USP3: variants seen among roughly 807,000 people sequenced by gnomAD.
USP3 encodes ubiquitin specific peptidase 3.
In USP3, 20 loss-of-function variants were observed where a neutral mutation model predicts 72.3. The observed-to-expected ratio is 0.28, with a 90% CI of 0.19 to 0.40. USP3 has a LOEUF of 0.40. Ranked by LOEUF, USP3 falls within the 10% of genes least tolerant of loss-of-function variation. USP3 has a pLI of 1.00. For synonymous variants in USP3, 222 were observed against 225.3 expected, an observed-to-expected ratio of 0.99 and a Z score of 0.13; for missense variants, 479 against 633.9, an observed-to-expected ratio of 0.76 and a Z score of 2.62.
At chr15:63,514,363 A>G (rs1033571512) in intron 1 of USP3, among the ~76,000 whole-genome samples, 1 of 152,206 alleles carries the variant, frequency 6.6e-6, no homozygotes, top group African/African-American at 2.4e-5. Flanking sequence ...TAGAACAGCT[A>G]TTTAGAAAAA....
At position 63,509,218 on chromosome 15, in the gene USP3, G is replaced by C. The variant is rs550102481; in HGVS notation, c.91+4388G>C. On this transcript the variant is annotated intron_variant, in intron 1 of 14. Coordinates refer to ENST00000380324, the MANE Select transcript of USP3 (RefSeq NM_006537.4). ...CAATCAGTCATTTCCTTGTCATTAG[G>C]TCAAATGCTTTTACTGCTTTTTAGT... Among the ~76,000 whole-genome samples, 83 of 152,250 alleles carry C rather than the reference G, an allele frequency of 5.5e-4. 1 individual carries two copies. The South Asian group carries it at 0.017, about 30-fold the overall frequency.
intron 2 of USP3, among the ~76,000 whole-genome samples, chr15:63,536,444 T>C (rs973664723): frequency 4.8e-5 from 6 of 124,288 alleles, no homozygotes; most frequent in African/African-American, 1.7e-4. Flanking sequence ...TGGGGGTTAG[T>C]GGTCTGAGAG....
At position 63,536,948 on chromosome 15, in the gene USP3, T is replaced by C. The variant is rs908488537; in HGVS notation, c.153-77T>C. The C allele has an allele frequency of 6.1e-5, 86 of 1,413,650 alleles. No homozygotes were observed. The African/African-American group carries it at 1.2e-3, about 19-fold the overall frequency. 87.6% of individuals were successfully genotyped at this position (1,413,650 alleles called of 1,614,324 possible). ...GATTTCTTTATTTTGATTTGATTAA[T>C]ATTTAATTTCATCATTTCCTACTCC... On this transcript the variant is annotated intron_variant, in intron 2 of 14. Coordinates refer to ENST00000380324, the MANE Select transcript of USP3 (RefSeq NM_006537.4).
intron 1 of USP3, among the ~76,000 whole-genome samples, chr15:63,520,086 G>A (rs1193243800): frequency 6.6e-6 from 1 of 152,038 alleles, no homozygotes; most frequent in East Asian, 1.9e-4. Context: ...TTTTGGCTGG[G>A]AATAATGTTT....
chr15:63,584,115 T>TG (rs2067013240), intron 11 of USP3, among the ~76,000 whole-genome samples: 3 of 122,022 alleles, frequency 2.5e-5, no homozygotes, highest in South Asian at 2.6e-4. Context: ...TTTTTTTTTT[T>TG]GAGATGGAGT....
At chr15:63,547,737 AGAGAGAGG>A (rs1567108406) in intron 3 of USP3, among the ~76,000 whole-genome samples, 9 of 33,808 alleles carry the variant, frequency 2.7e-4, no homozygotes, top group East Asian at 3.3e-4. Context: ...AGAGAGAGAG[AGAGAGAGG>A]GAGGGAGGGA....
intron 3 of USP3, among the ~76,000 whole-genome samples, chr15:63,547,761 GGAGAGAGAGAGA>G (rs1180675814): frequency 0.019 from 86 of 4,452 alleles, 3 homozygotes; most frequent in African/African-American, 0.066. Context: ...AGGGAGGGAG[GGAGAGAGAGAGA>G]GAGAGAGAGA....
chr15:63,516,663 C>G (rs1398335968), intron 1 of USP3, among the ~76,000 whole-genome samples: 4 of 152,060 alleles, frequency 2.6e-5, no homozygotes, highest in African/African-American at 9.7e-5. Flanking sequence ...TGTTGAGAAA[C>G]CTGATGCCTT....
chr15:63,514,326 T>A (rs1286711791), intron 1 of USP3, among the ~76,000 whole-genome samples: 1 of 152,162 alleles, frequency 6.6e-6, no homozygotes, highest in East Asian at 1.9e-4. Context: ...AAAAAAAAAT[T>A]CCGACTCTTG....
At chr15:63,556,118 T>C (rs1328520019) in intron 4 of USP3, among the ~76,000 whole-genome samples, 1 of 152,222 alleles carries the variant, frequency 6.6e-6, no homozygotes, top group Admixed American at 6.5e-5. Flanking sequence ...TAAGGATGTG[T>C]TTTAGAATGT....
chr15:63,540,926 A>G (rs1390658505), intron 3 of USP3, among the ~76,000 whole-genome samples: 1 of 152,144 alleles, frequency 6.6e-6, no homozygotes, highest in African/African-American at 2.4e-5. Flanking sequence ...CTCCCATCCC[A>G]ATTTCCCTCC....
chr15:63,510,618 G>A (rs1165545871), intron 1 of USP3, among the ~76,000 whole-genome samples: 1 of 152,148 alleles, frequency 6.6e-6, no homozygotes, highest in African/African-American at 2.4e-5. Flanking sequence ...TGTTAATAGA[G>A]CTTTCCTGGA....
In USP3 at chr15:63,593,546, GGT is replaced by G. The variant is rs2067241651; in HGVS notation, c.*2722_*2723del. On this transcript the variant is annotated 3_prime_UTR_variant, in exon 15 of 15. Transcript: ENST00000380324. ...TGTCGGGCAGAGTGGTCTTCAGACA[GGT>G]GATGCTGTTGGCTTAAGAGATGAAC... The G allele has an allele frequency of 6.6e-6, 1 of 152,242 alleles. No individual in the cohort carries two copies. The highest frequency in any genetic ancestry group is 2.4e-5 in the African/African-American group (1 of 41,458). 9.4% of individuals were successfully genotyped at this position (152,242 alleles called of 1,614,324 possible). A position where few individuals can be genotyped will look rare whatever the true frequency, so the allele number is the denominator to read the frequency against.
chr15:63,515,966 A>G (rs1051804238), intron 1 of USP3, among the ~76,000 whole-genome samples: 2 of 152,172 alleles, frequency 1.3e-5, no homozygotes, highest in East Asian at 1.9e-4. Context: ...TGTCATTTTT[A>G]GGTATTATTC....
intron 5 of USP3, among the ~76,000 whole-genome samples, chr15:63,557,452 G>T (rs866238470): frequency 6.6e-6 from 1 of 152,090 alleles, no homozygotes; most frequent in Non-Finnish European, 1.5e-5. Context: ...TAGTAGAGAC[G>T]GAGTTTCACC....
At chr15:63,538,541 G>C (rs965577462) in intron 3 of USP3, among the ~76,000 whole-genome samples, 1 of 150,592 alleles carries the variant, frequency 6.6e-6, no homozygotes, top group African/African-American at 2.5e-5. Context: ...GGTTTGCCAG[G>C]TCTTTTACTT....
chr15:63,527,943 C>T (rs1039257905), intron 1 of USP3: 16 of 152,260 alleles, frequency 1.1e-4, no homozygotes, highest in African/African-American at 2.9e-4. Flanking sequence ...GCTCTTCCCA[C>T]CCTCTCCATG....
rs548337304 is a variant in USP3 at position 63,541,463 on chromosome 15, A to G, written c.284+4307A>G. 1.1e-4 allele frequency among the ~76,000 whole-genome samples: 17 copies of G among 152,280 alleles called. 1 individual carries two copies. Among genetic ancestry groups the G allele is most frequent in the African/African-American group, 4.1e-4 (17 of 41,578 alleles). ...ATGTAAAAAATTAGACAACAGGGAG[A>G]GTTTTGTTTATTTAAAAACAATATT... is the stretch of plus-strand genomic sequence containing the variant. On this transcript the variant is annotated intron_variant, in intron 3 of 14. Transcript: ENST00000380324.
In USP3 at chr15:63,590,813, CGGA is replaced by C; in HGVS notation, c.1551_1553del (p.Asp518del). 9.9e-6 allele frequency: 16 copies of C among 1,612,214 alleles called. No homozygotes were observed. The highest frequency in any genetic ancestry group is 1.2e-5 in the Non-Finnish European group (14 of 1,179,462). On this transcript the variant is annotated inframe_deletion, in exon 15 of 15. Transcript: ENST00000380324. ...GTGGAACACCAGGCCAAAGCTGGAT[CGGA>C]TAAACTTTAATACCTCCTCCAAATC... is the stretch of plus-strand genomic sequence containing the variant.
Sources: gnomAD v4.1 joint callset for allele counts (sites outside exome capture counted in the v4.1 genomes callset) on GRCh38, gnomAD v4.1.1 for gene constraint, MANE v1.5 for transcripts, NCBI Gene and HGNC (gene_info 2026-07-23, HGNC 2026-07-21) for gene names.